Variants in SLC25A20 observed in about 807,000 individuals in gnomAD.
SLC25A20 encodes the protein solute carrier family 25 member 20.
SLC25A20 carries 29 observed loss-of-function variants against 39.7 expected under a neutral mutation model. The observed-to-expected ratio is 0.73, with a 90% CI of 0.54 to 1.00. SLC25A20 has a LOEUF of 1.00. Among genes scored for constraint, SLC25A20 ranks in the 50% least tolerant of loss-of-function variants. SLC25A20 has a pLI of 0.00. For missense variants in SLC25A20, 333 were observed against 379.9 expected (o/e 0.88, Z 1.03); for synonymous variants, 103 against 142.2 (o/e 0.72, Z 1.96).
rs536199901 is a variant in SLC25A20, at chr3:48,858,751, A to G, written c.719-120T>C. ...CTTGCAGGTCATGTGGGACCAGTCC[A>G]TAGACAACAGTTCACCTTGGGACAA... On this transcript the variant is annotated intron_variant, in intron 7 of 8. Coordinates refer to ENST00000319017, the MANE Select transcript of SLC25A20 (RefSeq NM_000387.6). 8.3e-5 allele frequency: 102 copies of G among 1,221,922 alleles called. No homozygotes were observed. The African/African-American group carries it at 1.4e-3, about 17-fold the overall frequency. 75.7% of individuals were successfully genotyped at this position (1,221,922 alleles called of 1,614,324 possible). A position where few individuals can be genotyped will look rare whatever the true frequency, so the allele number is the denominator to read the frequency against.
chr3:48,863,408 A>G (rs1488524425), intron 4 of SLC25A20, among the ~76,000 whole-genome samples: 1 of 152,216 alleles, frequency 6.6e-6, no homozygotes, highest in African/African-American at 2.4e-5. Flanking sequence ...GTTCCCAGAC[A>G]GGGGTCCTGT....
At chr3:48,868,095 G>A (rs575240414) in intron 4 of SLC25A20, among the ~76,000 whole-genome samples, 6 of 151,276 alleles carry the variant, frequency 4.0e-5, no homozygotes, top group East Asian at 2.0e-4. Flanking sequence ...AACAAGCAGG[G>A]CGGCAGCAGG....
chr3:48,871,371 G>A (rs2083713699), intron 4 of SLC25A20, among the ~76,000 whole-genome samples: 1 of 151,920 alleles, frequency 6.6e-6, no homozygotes, highest in Non-Finnish European at 1.5e-5. Context: ...AATCAAGTGG[G>A]AGGAATAAGT....
intron 4 of SLC25A20, among the ~76,000 whole-genome samples, chr3:48,871,781 A>G (rs2083717069): frequency 6.6e-6 from 1 of 151,376 alleles, no homozygotes; most frequent in Non-Finnish European, 1.5e-5. Context: ...AAAAAAAAAA[A>G]AAAAAGAGAG....
chr3:48,896,131 G>C (rs972860939), intron 1 of SLC25A20, among the ~76,000 whole-genome samples: 2 of 143,666 alleles, frequency 1.4e-5, no homozygotes, highest in Non-Finnish European at 3.0e-5. Flanking sequence ...CAGAGGGAGA[G>C]TCTTGTCTCA....
At chr3:48,870,073 G>A (rs1341872215) in intron 4 of SLC25A20, among the ~76,000 whole-genome samples, 2 of 152,042 alleles carry the variant, frequency 1.3e-5, no homozygotes, top group Non-Finnish European at 2.9e-5. Flanking sequence ...TGTGATGCAT[G>A]TCTCTGCACT....
intron 4 of SLC25A20, among the ~76,000 whole-genome samples, chr3:48,872,478 C>T (rs2083724048): frequency 6.6e-6 from 1 of 150,964 alleles, no homozygotes; most frequent in African/African-American, 2.4e-5. Context: ...GGAATGAAGA[C>T]AGTCTTTTCA....
Position 48,857,779 on chromosome 3 carries a change from A to G in SLC25A20, c.844-7T>C. The stretch of plus-strand genomic sequence containing the variant: ...CAAAGCCAAGGAAACAGGCCTAAGA[A>G]GGGATTGGGAGGAAGAAAAAAGCCA... On this transcript the variant is annotated splice_region_variant and splice_polypyrimidine_tract_variant and intron_variant, in intron 8 of 8. Transcript: ENST00000319017. 1 of 1,613,372 alleles carries G rather than the reference A, an allele frequency of 6.2e-7. No individual in the cohort carries two copies. The highest frequency in any genetic ancestry group is 8.5e-7 in the Non-Finnish European group (1 of 1,179,700).
At chr3:48,894,098 T>C (rs2083896248) in intron 1 of SLC25A20, among the ~76,000 whole-genome samples, 1 of 147,374 alleles carries the variant, frequency 6.8e-6, no homozygotes, top group Non-Finnish European at 1.5e-5. Context: ...GAGGCAGAGG[T>C]TGTGGTGAGT....
rs910741400 is a variant in SLC25A20 at position 48,898,861 on chromosome 3, G to A, written c.-67C>T. On this transcript the variant is annotated 5_prime_UTR_variant, in exon 1 of 9. Coordinates refer to ENST00000319017, the MANE Select transcript of SLC25A20 (RefSeq NM_000387.6). ...TCCTGGCTTCTCAGCCCCAGCTGCA[G>A]TGCCGGCGCCGCCGACCTTTCACCC... 1 of 1,475,186 alleles carries A rather than the reference G, an allele frequency of 6.8e-7. No homozygotes were observed. Among genetic ancestry groups the A allele is most frequent in the Non-Finnish European group, 9.3e-7 (1 of 1,078,392 alleles). 91.4% of individuals were successfully genotyped at this position (1,475,186 alleles called of 1,614,324 possible). A position where few individuals can be genotyped will look rare whatever the true frequency, so the allele number is the denominator to read the frequency against.
chr3:48,859,104 G>A lies in SLC25A20; in HGVS notation c.706C>T (p.Arg236Ter), dbSNP rs780959390. The change falls in exon 7 of 9, where the codon CGA becomes TGA. Residue 236 changes from arginine to a stop codon, truncating the protein, a stop_gained. Transcript: ENST00000319017. LOFTEE classifies it high-confidence loss of function. The part of the protein sequence containing the change: ...VAIPPDVLKS[R>*]FQTAPPGKYP... ...ACCTTCCACTCACCAGTCTGGAATC[G>A]AGACTTGAGCACATCTGGGGGGATT... The A allele has an allele frequency of 5.0e-6, 8 of 1,613,504 alleles. No individual in the cohort carries two copies. The highest frequency in any genetic ancestry group is 1.7e-5 in the Admixed American group (1 of 59,962).
intron 4 of SLC25A20, among the ~76,000 whole-genome samples, chr3:48,877,990 C>T (rs531984126): frequency 1.4e-4 from 22 of 151,924 alleles, no homozygotes; most frequent in African/African-American, 5.1e-4. Context: ...AGTCCAGGCG[C>T]GGTGGCTTAC....
chr3:48,865,904 G>A (rs900835713), intron 4 of SLC25A20, among the ~76,000 whole-genome samples: 32 of 152,062 alleles, frequency 2.1e-4, no homozygotes, highest in African/African-American at 7.7e-4. Context: ...GCCGAGGCAG[G>A]TGGATCACGA....
intron 2 of SLC25A20, among the ~76,000 whole-genome samples, chr3:48,885,220 A>G (rs2083821332): frequency 6.6e-6 from 1 of 152,044 alleles, no homozygotes; most frequent in Non-Finnish European, 1.5e-5. Context: ...GCAGTGAGCT[A>G]TGACCTTGCC....
intron 1 of SLC25A20, among the ~76,000 whole-genome samples, chr3:48,898,135 C>T (rs906759605): frequency 5.9e-5 from 9 of 152,196 alleles, no homozygotes; most frequent in African/African-American, 2.2e-4. Context: ...CATTGCTTCT[C>T]ACAGGGATGC....
At chr3:48,895,783 C>T (rs1456968466) in intron 1 of SLC25A20, 1 of 456,500 alleles carries the variant, frequency 2.2e-6, no homozygotes, top group Admixed American at 2.4e-5. Flanking sequence ...TCATATTGTC[C>T]TTCAGATCTC....
chr3:48,874,602 C>T (rs1418620628), intron 4 of SLC25A20, among the ~76,000 whole-genome samples: 2 of 152,172 alleles, frequency 1.3e-5, no homozygotes, highest in Non-Finnish European at 2.9e-5. Flanking sequence ...TTTATGGCAT[C>T]TTTATTCCTA....
intron 1 of SLC25A20, among the ~76,000 whole-genome samples, chr3:48,893,632 C>A (rs1283078515): frequency 1.3e-5 from 2 of 151,892 alleles, no homozygotes; most frequent in Non-Finnish European, 1.5e-5. Flanking sequence ...CTCCCAGGCT[C>A]AGGTGATCCT....
chr3:48,897,377 T>A (rs2083918112), intron 1 of SLC25A20, among the ~76,000 whole-genome samples: 1 of 144,678 alleles, frequency 6.9e-6, no homozygotes, highest in African/African-American at 2.5e-5. Context: ...ATTTTTTTTT[T>A]TTTTTTTTTT....
Sources: allele counts gnomAD v4.1 joint callset (sites outside exome capture counted in the v4.1 genomes callset), GRCh38; gene constraint gnomAD v4.1.1; transcripts MANE v1.5; gene names NCBI Gene and HGNC (gene_info 2026-07-23, HGNC 2026-07-21).